Variants in ERC1 observed in about 807,000 individuals in gnomAD.
ERC1 encodes the protein ELKS/RAB6-interacting/CAST family member 1, also known as RAB6 interacting protein 2.
ERC1 carries 56 observed loss-of-function variants against 132.0 expected under a neutral mutation model. The ratio of observed to expected loss-of-function variants is 0.42; its 90% confidence interval spans 0.34 to 0.53. The LOEUF (loss-of-function observed/expected upper bound fraction) is 0.53. Among genes scored for constraint, ERC1 ranks in the 20% least tolerant of loss-of-function variants. The pLI, the probability that ERC1 is intolerant of heterozygous loss-of-function variation, is 0.03. For synonymous variants in ERC1, 478 were observed against 476.1 expected (o/e 1.00, Z -0.05); for missense variants, 1,202 against 1,349.9 (o/e 0.89, Z 1.72).
Position 1,452,204 on chromosome 12 carries a change from CTCTT to C in ERC1, c.3213+7460_3213+7463del, listed in dbSNP as rs1327085817. ...TTGGTTGACAGGGATTTTTTTTTTC[CTCTT>C]TCTTTTAATACTTTTAAGATGTGGT... On this transcript the variant is annotated intron_variant, in intron 18 of 18. Coordinates refer to ENST00000360905, the MANE Select transcript of ERC1 (RefSeq NM_178040.4). Among the ~76,000 whole-genome samples the C allele has an allele frequency of 2.0e-5, 3 of 150,912 alleles. No individual in the cohort carries two copies. In the East Asian group the frequency reaches 5.8e-4, roughly 29 times the overall value.
chr12:1,044,198 G>A (rs192534931), intron 2 of ERC1, among the ~76,000 whole-genome samples: 1 of 152,326 alleles, frequency 6.6e-6, no homozygotes, highest in East Asian at 1.9e-4. Flanking sequence ...GTATTTAAGC[G>A]TTTTGAATGC....
chr12:1,304,077 T>C (rs2080644507), intron 15 of ERC1, among the ~76,000 whole-genome samples: 1 of 151,940 alleles, frequency 6.6e-6, no homozygotes, highest in Admixed American at 6.6e-5. Context: ...CTATTTAGGG[T>C]GTGGTGGTTT....
chr12:1,043,791 C>T (rs1025844368), intron 2 of ERC1, among the ~76,000 whole-genome samples: 3 of 151,872 alleles, frequency 2.0e-5, no homozygotes, highest in Non-Finnish European at 4.4e-5. Context: ...TGTAACTTTA[C>T]CTAGAACTTT....
chr12:1,155,314 CAAAAAAAA>C lies in ERC1; in HGVS notation c.1737+13544_1737+13551del, dbSNP rs151006544. On this transcript the variant is annotated intron_variant, in intron 8 of 18. Transcript: ENST00000360905. Reference sequence around the variant, plus strand: ...GCACTCACAGGGCGAGACTTCATCTCAAAAAAAAAAAAAAAAAAAAAAAAGATTTATCA... The same window carrying C: ...GCACTCACAGGGCGAGACTTCATCTCAAAAAAAAAAAAAAAAGATTTATCA... Among the ~76,000 whole-genome samples, 445 of 55,150 alleles carry C rather than the reference CAAAAAAAA, an allele frequency of 8.1e-3. 3 individuals are homozygous for C. The highest frequency in any genetic ancestry group is 0.02 in the African/African-American group (310 of 15,256). 36.2% of individuals were successfully genotyped at this position (55,150 alleles called of 152,430 possible).
chr12:1,283,809 G>T (rs1035204354), intron 14 of ERC1, among the ~76,000 whole-genome samples: 2 of 152,100 alleles, frequency 1.3e-5, no homozygotes, highest in Non-Finnish European at 2.9e-5. Flanking sequence ...ACGTATTTAT[G>T]GGGTACATGT....
intron 8 of ERC1, among the ~76,000 whole-genome samples, chr12:1,177,256 A>G (rs1185508924): frequency 6.6e-6 from 1 of 152,142 alleles, no homozygotes; most frequent in African/African-American, 2.4e-5. Flanking sequence ...TCGGAGTGGC[A>G]CTTTTGATTT....
In ERC1 at chr12:1,495,825, TG is replaced by T. The variant is rs1443042776; in HGVS notation, c.*5596del. On this transcript the variant is annotated 3_prime_UTR_variant, in exon 19 of 19. Coordinates refer to ENST00000360905, the MANE Select transcript of ERC1 (RefSeq NM_178040.4). ...GGATAATGACATTACAAAGAAATTG[TG>T]TTATATTCAACTTTGCCTTGATAAT... is the stretch of plus-strand genomic sequence containing the variant. 2.9e-5 allele frequency: 6 copies of T among 209,070 alleles called. No homozygotes were observed. The highest frequency in any genetic ancestry group is 1.4e-4 in the African/African-American group (6 of 43,896). The allele number at this position is 209,070 out of a possible 1,614,324, so 13.0% of individuals were successfully genotyped here.
intron 1 of ERC1, among the ~76,000 whole-genome samples, chr12:1,000,769 A>G (rs933685988): frequency 3.9e-5 from 6 of 152,186 alleles, no homozygotes; most frequent in African/African-American, 1.4e-4. Context: ...TTAAAACAAA[A>G]AAAATTAAGT....
intron 2 of ERC1, among the ~76,000 whole-genome samples, chr12:1,039,903 A>G (rs1245876468): frequency 1.3e-5 from 2 of 152,160 alleles, no homozygotes; most frequent in African/African-American, 2.4e-5. Flanking sequence ...TTTTATATAT[A>G]TGTTCTCATC....
intron 18 of ERC1, among the ~76,000 whole-genome samples, chr12:1,453,488 A>G (rs2093468040): frequency 6.6e-6 from 1 of 152,278 alleles, no homozygotes; most frequent in East Asian, 1.9e-4. Flanking sequence ...ATGTCTTCTC[A>G]CTTCCGGGCT....
intron 2 of ERC1, among the ~76,000 whole-genome samples, chr12:1,075,232 A>G (rs566744974): frequency 1.7e-4 from 26 of 152,236 alleles, no homozygotes; most frequent in African/African-American, 5.1e-4. Flanking sequence ...GTGGGGTTAT[A>G]TCTGTGTATA....
chr12:1,048,573 C>T (rs575445150), intron 2 of ERC1, among the ~76,000 whole-genome samples: 23 of 152,248 alleles, frequency 1.5e-4, no homozygotes, highest in African/African-American at 5.1e-4. Context: ...GCCAAGTGTT[C>T]ATTTATTAGA....
At chr12:1,387,279 G>A (rs1306832348) in intron 16 of ERC1, among the ~76,000 whole-genome samples, 1 of 152,102 alleles carries the variant, frequency 6.6e-6, no homozygotes, top group East Asian at 1.9e-4. Flanking sequence ...TGCCATAGTG[G>A]GTTAAGATTT....
intron 15 of ERC1, among the ~76,000 whole-genome samples, chr12:1,334,512 T>C (rs1284920766): frequency 6.6e-6 from 1 of 152,200 alleles, no homozygotes; most frequent in African/African-American, 2.4e-5. Flanking sequence ...ATTGCTTGCT[T>C]TTGTCAGGTT....
intron 12 of ERC1, among the ~76,000 whole-genome samples, chr12:1,211,576 T>C (rs2154290759): frequency 6.6e-6 from 1 of 152,294 alleles, no homozygotes; most frequent in East Asian, 1.9e-4. Flanking sequence ...GTCTTTTTTC[T>C]GAGATGGAGT....
At chr12:1,269,856 C>T (rs978122355) in intron 14 of ERC1, among the ~76,000 whole-genome samples, 11 of 152,308 alleles carry the variant, frequency 7.2e-5, no homozygotes, top group African/African-American at 2.4e-4. Context: ...CCTCACTTGA[C>T]AACTCTCCTG....
intron 1 of ERC1, among the ~76,000 whole-genome samples, chr12:1,018,404 G>A (rs1054268565): frequency 1.3e-5 from 2 of 152,066 alleles, no homozygotes; most frequent in Non-Finnish European, 2.9e-5. Flanking sequence ...TAGTAGAGAC[G>A]GGGTTTCGCC....
intron 2 of ERC1, among the ~76,000 whole-genome samples, chr12:1,057,585 G>GTTTTTTTTTTTTTTTTTTT (rs59761885): frequency 2.1e-5 from 1 of 47,696 alleles, no homozygotes; most frequent in Non-Finnish European, 4.0e-5. Flanking sequence ...GATGCGCATG[G>GTTTTTTTTTTTTTTTTTTT]TTTTTTTTTT....
At chr12:1,451,295 T>C (rs1208232439) in intron 18 of ERC1, among the ~76,000 whole-genome samples, 1 of 152,206 alleles carries the variant, frequency 6.6e-6, no homozygotes, top group Non-Finnish European at 1.5e-5. Context: ...AATTTCCATC[T>C]GTCATCATAT....
Sources: gnomAD v4.1 joint callset for allele counts (sites outside exome capture counted in the v4.1 genomes callset) on GRCh38, gnomAD v4.1.1 for gene constraint, MANE v1.5 for transcripts, NCBI Gene and HGNC (gene_info 2026-07-23, HGNC 2026-07-21) for gene names.